Variants in DLG1 observed in about 807,000 individuals in gnomAD.
DLG1 encodes the protein discs large MAGUK scaffold protein 1, also known as disks large homolog 1.
In DLG1, 42 loss-of-function variants were observed where a neutral mutation model predicts 123.4. The observed-to-expected ratio is 0.34, with a 90% CI of 0.27 to 0.44. The LOEUF (loss-of-function observed/expected upper bound fraction) is 0.44, where lower values mean the gene tolerates loss of function less well. Ranked by LOEUF, DLG1 falls within the 20% of genes least tolerant of loss-of-function variation. DLG1 has a pLI of 1.00. For missense variants in DLG1, 942 were observed against 1,082.6 expected, an observed-to-expected ratio of 0.87 and a Z score of 1.82; for synonymous variants, 317 against 356.2, an observed-to-expected ratio of 0.89 and a Z score of 1.24.
intron 5 of DLG1, among the ~76,000 whole-genome samples, chr3:197,157,369 T>C (rs1371986568): frequency 6.6e-6 from 1 of 152,216 alleles, no homozygotes; most frequent in Non-Finnish European, 1.5e-5. Context: ...TCAGTTGTAT[T>C]TCTTCTAACA....
intron 22 of DLG1, among the ~76,000 whole-genome samples, chr3:197,062,769 G>C (rs1736726513): frequency 6.6e-6 from 1 of 152,052 alleles, no homozygotes; most frequent in African/African-American, 2.4e-5. Flanking sequence ...GTTATTTTTA[G>C]GTCTTCTTAG....
chr3:197,164,871 G>A (rs1436609259), intron 5 of DLG1, among the ~76,000 whole-genome samples: 2 of 151,614 alleles, frequency 1.3e-5, no homozygotes, highest in African/African-American at 2.4e-5. Flanking sequence ...GCAGTGAGCA[G>A]TGAGATCACG....
At chr3:197,144,610 T>C (rs1238962843) in intron 6 of DLG1, among the ~76,000 whole-genome samples, 1 of 152,198 alleles carries the variant, frequency 6.6e-6, no homozygotes, top group Admixed American at 6.5e-5. Flanking sequence ...CTACTTTGCT[T>C]TCTTAACCAT....
intron 23 of DLG1, among the ~76,000 whole-genome samples, chr3:197,057,189 C>T (rs1357355891): frequency 6.6e-6 from 1 of 152,112 alleles, no homozygotes; most frequent in African/African-American, 2.4e-5. Context: ...AAGGGATCCT[C>T]CTGCTTCGGC....
chr3:197,183,825 G>A, intron 5 of DLG1: 2 of 1,544,670 alleles, frequency 1.3e-6, no homozygotes, highest in Non-Finnish European at 1.8e-6. Flanking sequence ...AGCCCTGCAG[G>A]TGGTTGCCAA....
At position 197,288,743 on chromosome 3, in the gene DLG1, A is replaced by AAAAAACATACATAC. The variant is rs1553827364; in HGVS notation, c.152-5899_152-5898insGTATGTATGTTTTT. ...TCAAAAAAAAAAAAAAAAAAAAAAA[A>AAAAAACATACATAC]ATACATACATACATACATACATACA... On this transcript the variant is annotated intron_variant, in intron 3 of 24. Transcript: ENST00000667157. 1.5e-3 allele frequency among the ~76,000 whole-genome samples: 106 copies of AAAAAACATACATAC among 72,108 alleles called. 2 individuals carry two copies. Among genetic ancestry groups the AAAAAACATACATAC allele is most frequent in the South Asian group, 6.2e-3 (12 of 1,944 alleles). The allele number at this position is 72,108 out of a possible 152,430, so 47.3% of individuals were successfully genotyped here. A position where few individuals can be genotyped will look rare whatever the true frequency, so the allele number is the denominator to read the frequency against.
chr3:197,098,566 G>A (rs981463240), intron 14 of DLG1, among the ~76,000 whole-genome samples: 2 of 151,620 alleles, frequency 1.3e-5, no homozygotes, highest in South Asian at 4.2e-4. Context: ...CCCCCACCTC[G>A]CTCTGTTGCT....
At chr3:197,195,374 GAA>G (rs1300276578) in intron 4 of DLG1, among the ~76,000 whole-genome samples, 1 of 151,704 alleles carries the variant, frequency 6.6e-6, no homozygotes, top group African/African-American at 2.4e-5. Context: ...CCACTACTGG[GAA>G]AAAAACCAGT....
chr3:197,093,129 T>C (rs949063325), intron 14 of DLG1, among the ~76,000 whole-genome samples: 5 of 152,116 alleles, frequency 3.3e-5, no homozygotes, highest in African/African-American at 7.2e-5. Flanking sequence ...TGTGTATATA[T>C]ACACACAAAC....
intron 5 of DLG1, among the ~76,000 whole-genome samples, chr3:197,155,681 C>T (rs1431921476): frequency 6.6e-6 from 1 of 151,724 alleles, no homozygotes; most frequent in African/African-American, 2.4e-5. Flanking sequence ...GTAATCCCAG[C>T]ACTTCAGGTG....
At chr3:197,286,466 C>T (rs953805595) in intron 3 of DLG1, among the ~76,000 whole-genome samples, 5 of 152,182 alleles carry the variant, frequency 3.3e-5, no homozygotes, top group African/African-American at 1.2e-4. Context: ...AGGGTTCATG[C>T]TCCTGTGAGA....
At chr3:197,167,725 C>T (rs1802121399) in intron 5 of DLG1, among the ~76,000 whole-genome samples, 1 of 152,146 alleles carries the variant, frequency 6.6e-6, no homozygotes, top group Admixed American at 6.5e-5. Flanking sequence ...AAAAACTGCA[C>T]ATATTTAAGG....
At chr3:197,239,596 T>C (rs1460794083) in intron 4 of DLG1, among the ~76,000 whole-genome samples, 1 of 12,306 alleles carries the variant, frequency 8.1e-5, no homozygotes, top group Non-Finnish European at 2.2e-4. Flanking sequence ...GCAAATCAGA[T>C]TGACAGCATA....
chr3:197,185,077 A>T (rs1715015198), intron 5 of DLG1, among the ~76,000 whole-genome samples: 1 of 152,232 alleles, frequency 6.6e-6, no homozygotes, highest in South Asian at 2.1e-4. Context: ...TATATTAGTA[A>T]TTACAACAAT....
At chr3:197,147,760 C>T (rs1262565528) in intron 6 of DLG1, among the ~76,000 whole-genome samples, 1 of 151,542 alleles carries the variant, frequency 6.6e-6, no homozygotes, top group African/African-American at 2.4e-5. Flanking sequence ...TCTCAGAAAT[C>T]ACCACTAACT....
intron 5 of DLG1, among the ~76,000 whole-genome samples, chr3:197,182,344 T>C (rs1454430812): frequency 1.3e-5 from 2 of 152,172 alleles, no homozygotes; most frequent in East Asian, 1.9e-4. Flanking sequence ...TAAGTTTTGA[T>C]TGTAACTTAA....
rs200275048 is a variant in DLG1, at chr3:197,286,914, C to CA, written c.152-4070dup. Among the ~76,000 whole-genome samples the CA allele has an allele frequency of 9.8e-3, 1,478 of 150,914 alleles. 23 individuals carry two copies. The highest frequency in any genetic ancestry group is 0.033 in the African/African-American group (1,370 of 41,026). On this transcript the variant is annotated intron_variant, in intron 3 of 24. Coordinates refer to ENST00000667157, the MANE Select transcript of DLG1 (RefSeq NM_001366207.1). ...CAGGCCTTTTTTTTTTTTAAAGAGA[C>CA]AGAGTCTCACTCTGTCACTCAAGCT...
intron 14 of DLG1, among the ~76,000 whole-genome samples, chr3:197,097,576 CT>C (rs1332268126): frequency 3.1e-5 from 4 of 128,276 alleles, no homozygotes; most frequent in Non-Finnish European, 5.0e-5. Context: ...TTTTTTTGTA[CT>C]TTCTTTTTTT....
chr3:197,134,055 A>G (rs1035708514), intron 10 of DLG1, among the ~76,000 whole-genome samples: 2 of 152,224 alleles, frequency 1.3e-5, no homozygotes, highest in African/African-American at 4.8e-5. Context: ...CCAAGAAATT[A>G]AAAAGTAAAA....
Sources: gnomAD v4.1 joint callset for allele counts (sites outside exome capture counted in the v4.1 genomes callset) on GRCh38, gnomAD v4.1.1 for gene constraint, MANE v1.5 for transcripts, NCBI Gene and HGNC (gene_info 2026-07-23, HGNC 2026-07-21) for gene names.